The following LIN28B variants were observed in gnomAD, a reference collection of about 807,000 sequenced individuals.
LIN28B encodes the protein lin-28 RNA binding posttranscriptional regulator B.
LIN28B carries 5 observed loss-of-function variants against 21.9 expected under a neutral mutation model. The ratio of observed to expected loss-of-function variants is 0.23; its 90% CI spans 0.12 to 0.48. The LOEUF (loss-of-function observed/expected upper bound fraction) is 0.48. LIN28B is among the 20% of genes least tolerant of loss of function. The probability of loss-of-function intolerance (pLI) is 0.98; values close to 1 mark genes in which losing one functional copy is unlikely to be tolerated. For missense variants in LIN28B, 245 were observed against 310.5 expected (o/e 0.79, Z 1.58); for synonymous variants, 109 against 111.3 (o/e 0.98, Z 0.13).
intron 2 of LIN28B, among the ~76,000 whole-genome samples, chr6:104,977,026 C>T (rs314291): frequency 0.57 from 86,184 of 151,928 alleles, 24,558 homozygotes; most frequent in East Asian, 0.69. Flanking sequence ...TGAATCTACT[C>T]CTTATTTTTA....
At chr6:105,053,676 A>G (rs995485092) in intron 3 of LIN28B, among the ~76,000 whole-genome samples, 2 of 142,402 alleles carry the variant, frequency 1.4e-5, no homozygotes, top group African/African-American at 5.4e-5. Flanking sequence ...AGCCACACCA[A>G]CTTTTTTATG....
chr6:105,045,260 C>A (rs959468110), intron 3 of LIN28B, among the ~76,000 whole-genome samples: 3 of 147,380 alleles, frequency 2.0e-5, no homozygotes, highest in African/African-American at 7.5e-5. Context: ...ATATGGAATA[C>A]TTCATAAATT....
intron 3 of LIN28B, among the ~76,000 whole-genome samples, chr6:105,042,185 A>T (rs1298351842): frequency 1.3e-5 from 2 of 152,152 alleles, no homozygotes; most frequent in African/African-American, 2.4e-5. Context: ...CTCCAGAAGA[A>T]AAAGTGCCAT....
At chr6:104,937,784 T>C (rs976880631) in intron 2 of LIN28B, among the ~76,000 whole-genome samples, 4 of 152,106 alleles carry the variant, frequency 2.6e-5, no homozygotes, top group African/African-American at 9.7e-5. Context: ...CTTGAAAATA[T>C]AATCAGGGTG....
chr6:105,031,696 G>C (rs917732903), intron 3 of LIN28B, among the ~76,000 whole-genome samples: 2 of 151,878 alleles, frequency 1.3e-5, no homozygotes, highest in South Asian at 4.2e-4. Context: ...ACCACACGTC[G>C]CTAATTTTTT....
intron 2 of LIN28B, among the ~76,000 whole-genome samples, chr6:104,983,259 A>G (rs1770263398): frequency 6.6e-6 from 1 of 152,258 alleles, no homozygotes; most frequent in African/African-American, 2.4e-5. Context: ...GCATCTGGGT[A>G]TCTTAAAAGG....
chr6:104,942,505 T>G (rs1778108359), intron 2 of LIN28B, among the ~76,000 whole-genome samples: 1 of 151,696 alleles, frequency 6.6e-6, no homozygotes, highest in Non-Finnish European at 1.5e-5. Context: ...AAAAAATAAA[T>G]TTGCTATGAA....
chr6:104,985,950 T>G (rs1030511207), intron 2 of LIN28B, among the ~76,000 whole-genome samples: 1 of 152,146 alleles, frequency 6.6e-6, no homozygotes, highest in African/African-American at 2.4e-5. Flanking sequence ...ATCAGGTGAT[T>G]GCATATGTGT....
Position 105,045,662 on chromosome 6 carries a change from C to G in LIN28B, c.383+19180C>G, listed in dbSNP as rs903660153. The G allele has an allele frequency of 2.0e-5, 3 of 152,288 alleles. No individual in the cohort carries two copies. In the South Asian group the frequency reaches 6.2e-4, roughly 32 times the overall value. 9.4% of individuals were successfully genotyped at this position (152,288 alleles called of 1,614,324 possible). A position where few individuals can be genotyped will look rare whatever the true frequency, so the allele number is the denominator to read the frequency against. On this transcript the variant is annotated intron_variant, in intron 3 of 3. Transcript: ENST00000345080. Reference sequence around the variant, plus strand: ...AATTTTAGTATATGTGCTGGCAAAGCAAGCACCCACTCACTTCATATTAAA... The same window carrying G: ...AATTTTAGTATATGTGCTGGCAAAGGAAGCACCCACTCACTTCATATTAAA...
intron 2 of LIN28B, among the ~76,000 whole-genome samples, chr6:104,963,572 C>T (rs111513150): frequency 4.6e-5 from 7 of 152,212 alleles, no homozygotes; most frequent in African/African-American, 1.4e-4. Flanking sequence ...ATATTTTTCT[C>T]CTGCCTTTTT....
At chr6:104,984,633 A>G (rs1255140396) in intron 2 of LIN28B, among the ~76,000 whole-genome samples, 4 of 152,024 alleles carry the variant, frequency 2.6e-5, no homozygotes, top group Admixed American at 1.3e-4. Context: ...TCAGGGTCTC[A>G]TTATGTTGAC....
chr6:104,967,576 C>CAAAAA (rs71003462), intron 2 of LIN28B, among the ~76,000 whole-genome samples: 13 of 60,708 alleles, frequency 2.1e-4, no homozygotes, highest in Admixed American at 4.6e-4. Flanking sequence ...AACTCCCTCT[C>CAAAAA]AAAAAAAAAA....
intron 2 of LIN28B, among the ~76,000 whole-genome samples, chr6:105,015,940 T>G (rs549731137): frequency 4.6e-5 from 7 of 152,294 alleles, no homozygotes; most frequent in African/African-American, 4.8e-5. Context: ...ATAGTATACA[T>G]CCTTAAATTA....
intron 2 of LIN28B, among the ~76,000 whole-genome samples, chr6:105,013,627 G>A (rs1386339118): frequency 1.3e-5 from 2 of 151,476 alleles, no homozygotes; most frequent in Non-Finnish European, 2.9e-5. Context: ...CTACTCGAGA[G>A]ATTGAGGTGG....
At chr6:104,941,668 T>G (rs1220201530) in intron 2 of LIN28B, among the ~76,000 whole-genome samples, 3 of 152,086 alleles carry the variant, frequency 2.0e-5, no homozygotes, top group African/African-American at 7.2e-5. Flanking sequence ...TGCTTTGGTA[T>G]CGGTGATGTA....
intron 2 of LIN28B, among the ~76,000 whole-genome samples, chr6:104,942,907 C>CCATT (rs1554273440): frequency 1.3e-5 from 2 of 151,534 alleles, no homozygotes; most frequent in African/African-American, 4.9e-5. Context: ...AGGTGCTTCT[C>CCATT]AATAGATCTG....
intron 2 of LIN28B, chr6:104,939,429 T>C (rs77468007): frequency 0.13 from 19,287 of 152,240 alleles, 1,292 homozygotes; most frequent in Middle Eastern, 0.14. Flanking sequence ...TGGTAGCCAA[T>C]GTGGAAAATT....
chr6:104,977,796 G>A (rs916608316), intron 2 of LIN28B, among the ~76,000 whole-genome samples: 1 of 152,040 alleles, frequency 6.6e-6, no homozygotes, highest in Non-Finnish European at 1.5e-5. Flanking sequence ...TTGAACTCCT[G>A]ACCTCATGAT....
At chr6:105,000,570 C>A (rs967082971) in intron 2 of LIN28B, among the ~76,000 whole-genome samples, 5 of 151,624 alleles carry the variant, frequency 3.3e-5, no homozygotes, top group African/African-American at 9.7e-5. Context: ...GTTCAAGAGA[C>A]CTTTTTATAT....
Sources: gnomAD v4.1 joint callset for allele counts (sites outside exome capture counted in the v4.1 genomes callset) on GRCh38, gnomAD v4.1.1 for gene constraint, MANE v1.5 for transcripts, NCBI Gene and HGNC (gene_info 2026-07-23, HGNC 2026-07-21) for gene names.